Variants in GCKR observed in about 807,000 individuals in gnomAD.
GCKR encodes glucokinase regulatory protein.
Under a neutral mutation model 82.9 loss-of-function variants are expected in GCKR, and 73 were observed. The ratio of observed to expected loss-of-function variants is 0.88; its 90% CI spans 0.73 to 1.07. The LOEUF (loss-of-function observed/expected upper bound fraction) is 1.07, where lower values mean the gene tolerates loss of function less well. Ranked by LOEUF, GCKR falls within the 50% of genes least tolerant of loss-of-function variation. The pLI is 0.00. For missense variants in GCKR, 784 were observed against 782.1 expected, an observed-to-expected ratio of 1.00 and a Z score of -0.03; for synonymous variants, 294 against 291.8, an observed-to-expected ratio of 1.01 and a Z score of -0.08.
In GCKR at chr2:27,507,664, A is replaced by T. The variant is rs1558438056; in HGVS notation, c.1144-17A>T. ...GTGTTTTCATGGGAGGGACCCTCCC[A>T]TCTTCTTCTGCCCCAGGGTCCCCAG... On this transcript the variant is annotated splice_polypyrimidine_tract_variant and intron_variant, in intron 13 of 18. Transcript: ENST00000264717. 7.0e-7 allele frequency: 1 copy of T among 1,430,210 alleles called. No homozygotes were observed. The highest frequency in any genetic ancestry group is 9.9e-7 in the Non-Finnish European group (1 of 1,013,148). The allele number at this position is 1,430,210 out of a possible 1,614,324, so 88.6% of individuals were successfully genotyped here. A position where few individuals can be genotyped will look rare whatever the true frequency, so the allele number is the denominator to read the frequency against.
chr2:27,513,240 A>C (rs1455774375), intron 16 of GCKR, among the ~76,000 whole-genome samples: 1 of 151,912 alleles, frequency 6.6e-6, no homozygotes, highest in Non-Finnish European at 1.5e-5. Flanking sequence ...TGTAAAGAAA[A>C]TCTCTCTCAT....
In GCKR at chr2:27,523,358, G is replaced by T. The variant is rs767771940; in HGVS notation, c.1797G>T (p.Glu599Asp). 1.9e-6 allele frequency: 3 copies of T among 1,612,612 alleles called. No homozygotes were observed. The highest frequency in any genetic ancestry group is 2.5e-6 in the Non-Finnish European group (3 of 1,179,968). The part of the protein sequence containing the change: ...AHLAAAPSVC[E>D]AVRSALAGPG... ...TGGCTGCAGCTCCTTCTGTCTGTGAGGCTGTCAGGAGTGCTCTTGCTGGGC... is the reference window on the plus strand; with the variant it reads ...TGGCTGCAGCTCCTTCTGTCTGTGATGCTGTCAGGAGTGCTCTTGCTGGGC... The change falls in exon 19 of 19, where the codon GAG becomes GAT. Residue 599 changes from glutamate (E) to aspartate (D), a missense_variant. Transcript: ENST00000264717.
At chr2:27,503,949 A>G (rs929822342) in intron 9 of GCKR, among the ~76,000 whole-genome samples, 1 of 152,190 alleles carries the variant, frequency 6.6e-6, no homozygotes, top group Non-Finnish European at 1.5e-5. Context: ...TGTCTCTCTC[A>G]CATATTTACA....
intron 8 of GCKR, chr2:27,501,740 C>T (rs1170056093): frequency 1.1e-5 from 5 of 471,360 alleles, no homozygotes; most frequent in African/African-American, 4.0e-5. Context: ...GTCTTCCCTT[C>T]CCTGAGAGCC....
chr2:27,515,143 A>G (rs771579088), intron 16 of GCKR, among the ~76,000 whole-genome samples: 18 of 152,014 alleles, frequency 1.2e-4, no homozygotes, highest in Non-Finnish European at 2.2e-4. Flanking sequence ...ATGCACAGTT[A>G]ATTTTTGCAT....
intron 16 of GCKR, among the ~76,000 whole-genome samples, chr2:27,510,516 G>T (rs919805643): frequency 1.3e-5 from 2 of 152,154 alleles, no homozygotes; most frequent in South Asian, 2.1e-4. Context: ...GGTCAAAGGG[G>T]ATGTAAAATT....
At chr2:27,507,402 T>A in intron 13 of GCKR, 91 bp downstream of exon 13, 1 of 851,702 alleles carries the variant, frequency 1.2e-6, no homozygotes, top group South Asian at 1.3e-5. Context: ...GGTGGGAAGT[T>A]CATTGGAATA....
intron 16 of GCKR, among the ~76,000 whole-genome samples, chr2:27,515,300 G>C (rs1669977054): frequency 6.6e-6 from 1 of 151,150 alleles, no homozygotes; most frequent in African/African-American, 2.4e-5. Context: ...TTTTGAGACA[G>C]GGTCTCATTC....
intron 7 of GCKR, 24 bp downstream of exon 7, chr2:27,499,474 G>A: frequency 1.3e-6 from 2 of 1,507,292 alleles, no homozygotes; most frequent in Non-Finnish European, 1.8e-6. Flanking sequence ...TGGGTTGAGT[G>A]GATCAATTTT....
chr2:27,505,448 AG>A (rs1669702056), intron 9 of GCKR, among the ~76,000 whole-genome samples: 1 of 151,680 alleles, frequency 6.6e-6, no homozygotes, highest in Non-Finnish European at 1.5e-5. Context: ...AGAAAAGAAA[AG>A]CACTCTGAAA....
At chr2:27,522,691 C>G (rs1425406128) in intron 18 of GCKR, 97 bp downstream of exon 18, 1 of 1,005,986 alleles carries the variant, frequency 9.9e-7, no homozygotes, top group Non-Finnish European at 1.6e-6. Context: ...AGCTCAGTGG[C>G]ACTCTGCTCA....
intron 16 of GCKR, among the ~76,000 whole-genome samples, chr2:27,510,312 A>G (rs1461259660): frequency 6.6e-6 from 1 of 152,182 alleles, no homozygotes; most frequent in Non-Finnish European, 1.5e-5. Context: ...CCCGGCCACT[A>G]CTATCATTTT....
rs1454069622 is a variant in GCKR, at chr2:27,506,770, C to T, written c.969-18C>T. The T allele has an allele frequency of 2.0e-6, 3 of 1,533,580 alleles. No individual in the cohort carries two copies. The highest frequency in any genetic ancestry group is 2.7e-6 in the Non-Finnish European group (3 of 1,106,334). The allele number at this position is 1,533,580 out of a possible 1,614,324, so 95.0% of individuals were successfully genotyped here. A position where few individuals can be genotyped will look rare whatever the true frequency, so the allele number is the denominator to read the frequency against. ...TGCACGGTGATCTCTCATGTCCTGA[C>T]CTCTGACCCATTCTCAGTCTGGAGA... is the stretch of plus-strand genomic sequence containing the variant. On this transcript the variant is annotated intron_variant, in intron 11 of 18. Transcript: ENST00000264717.
intron 9 of GCKR, among the ~76,000 whole-genome samples, chr2:27,504,666 A>G (rs1021873051): frequency 5.3e-5 from 8 of 151,782 alleles, no homozygotes; most frequent in African/African-American, 1.9e-4. Context: ...TACTGTTATC[A>G]TTCTGTTTGC....
At chr2:27,501,615 G>A (rs1572860801) in intron 8 of GCKR, 3 of 417,640 alleles carry the variant, frequency 7.2e-6, no homozygotes, top group Non-Finnish European at 1.5e-5. Flanking sequence ...AGTAGTAGTA[G>A]TGGGTGCCAG....
At chr2:27,507,829 T>C (rs1197688276) in intron 14 of GCKR, 52 bp downstream of exon 14, 8 of 1,219,144 alleles carry the variant, frequency 6.6e-6, no homozygotes, top group Non-Finnish European at 9.8e-6. Flanking sequence ...AATAGAATGG[T>C]TCAGAGGAGC....
At chr2:27,519,454 AC>A (rs1558443118) in intron 17 of GCKR, among the ~76,000 whole-genome samples, 1 of 151,900 alleles carries the variant, frequency 6.6e-6, no homozygotes, top group Admixed American at 6.6e-5. Context: ...GGCACCCCCC[AC>A]CATGCCCAGC....
At chr2:27,517,773 G>A (rs988750798) in intron 16 of GCKR, among the ~76,000 whole-genome samples, 1 of 152,148 alleles carries the variant, frequency 6.6e-6, no homozygotes, top group Non-Finnish European at 1.5e-5. Context: ...TTATACTCGC[G>A]ATACCACATG....
At chr2:27,512,100 G>A (rs958919135) in intron 16 of GCKR, among the ~76,000 whole-genome samples, 5 of 151,776 alleles carry the variant, frequency 3.3e-5, no homozygotes, top group Non-Finnish European at 4.4e-5. Flanking sequence ...TTAGCCAGGC[G>A]TGGTGGCTTG....
Sources: gnomAD v4.1 joint callset for allele counts (sites outside exome capture counted in the v4.1 genomes callset) on GRCh38, gnomAD v4.1.1 for gene constraint, MANE v1.5 for transcripts, NCBI Gene and HGNC (gene_info 2026-07-23, HGNC 2026-07-21) for gene names.